Variants in TEAD4 observed in about 807,000 individuals in gnomAD.
The protein encoded by TEAD4 is transcriptional enhancer factor TEF-3.
Under a neutral mutation model 52.4 loss-of-function variants are expected in TEAD4, and 36 were observed. That is an observed-to-expected ratio of 0.69 (90% CI 0.53 to 0.91). The LOEUF (loss-of-function observed/expected upper bound fraction) is 0.91. Ranked by LOEUF, TEAD4 falls within the 40% of genes least tolerant of loss-of-function variation. TEAD4 has a pLI of 0.00. For missense variants in TEAD4, 508 were observed against 583.9 expected, an observed-to-expected ratio of 0.87 and a Z score of 1.34; for synonymous variants, 220 against 231.0, an observed-to-expected ratio of 0.95 and a Z score of 0.43.
In TEAD4 at chr12:3,019,161, C is replaced by T. The variant is rs370063341; in HGVS notation, c.574C>T (p.Pro192Ser). The change falls in exon 8 of 13, where the codon CCT becomes TCT. Residue 192 changes from proline (P) to serine (S), a missense_variant. By Grantham distance (74) the Pro-to-Ser change is moderately conservative. Coordinates refer to ENST00000359864, the MANE Select transcript of TEAD4 (RefSeq NM_003213.4). ...AACCTATGCTGTCCAGCCTCCGCTG[C>T]CTCTGCCAGGTGGGTGGGCGCTGCG... is the stretch of plus-strand genomic sequence containing the variant. 4.3e-6 allele frequency: 7 copies of T among 1,613,978 alleles called. No individual in the cohort carries two copies. The highest frequency in any genetic ancestry group is 3.3e-5 in the Admixed American group (2 of 60,022).
intron 3 of TEAD4, among the ~76,000 whole-genome samples, chr12:2,995,853 A>G (rs11062448): frequency 0.13 from 19,442 of 151,914 alleles, 1,413 homozygotes; most frequent in Admixed American, 0.23. Flanking sequence ...GTAAAAATAA[A>G]AAAAATTACC....
At position 3,017,269 on chromosome 12, in the gene TEAD4, C is replaced by G. The variant is rs2098265255; in HGVS notation, c.355-129C>G. The G allele has an allele frequency of 1.7e-5, 21 of 1,254,084 alleles. No individual in the cohort carries two copies. The South Asian group carries it at 2.7e-4, about 16-fold the overall frequency. 77.7% of individuals were successfully genotyped at this position (1,254,084 alleles called of 1,614,324 possible). ...AAACAAGTTAATAGCACGGCACAGA[C>G]TTAACGCCTGGTCCCCCAGCTCTGG... On this transcript the variant is annotated intron_variant, in intron 5 of 12. Coordinates refer to ENST00000359864, the MANE Select transcript of TEAD4 (RefSeq NM_003213.4).
chr12:3,040,204 A>G lies in TEAD4; in HGVS notation c.1136A>G (p.His379Arg). The G allele has an allele frequency of 6.2e-7, 1 of 1,614,118 alleles. No individual in the cohort carries two copies. The highest frequency in any genetic ancestry group is 8.5e-7 in the Non-Finnish European group (1 of 1,180,034). ...ATCAACTTCATCCACAAGCTCAAGCACCTCCCTGAGAAGTACATGATGAAC... is the reference window on the plus strand; with the variant it reads ...ATCAACTTCATCCACAAGCTCAAGCGCCTCCCTGAGAAGTACATGATGAAC... The change falls in exon 12 of 13, where the codon CAC becomes CGC. Residue 379 changes from histidine to arginine, a missense_variant. Transcript: ENST00000359864.
chr12:2,999,216 T>C (rs2098249677), intron 3 of TEAD4, among the ~76,000 whole-genome samples: 1 of 152,124 alleles, frequency 6.6e-6, no homozygotes, highest in South Asian at 2.1e-4. Flanking sequence ...GCATCTGCGC[T>C]TCCCATCCTC....
At chr12:2,962,327 A>AATATATATAAATATAT (rs745423413) in intron 2 of TEAD4, among the ~76,000 whole-genome samples, 4 of 112,750 alleles carry the variant, frequency 3.5e-5, no homozygotes, top group Non-Finnish European at 6.4e-5. Flanking sequence ...TATATATATA[A>AATATATATAAATATAT]ATATAAATAT....
chr12:2,962,757 C>T (rs572979425), intron 2 of TEAD4, among the ~76,000 whole-genome samples: 3 of 152,302 alleles, frequency 2.0e-5, no homozygotes, highest in East Asian at 3.9e-4. Flanking sequence ...TGAGCCACTG[C>T]GCCTGGCCTA....
rs146195327 is a variant in TEAD4 at position 2,986,770 on chromosome 12, T to C, written c.-29-7968T>C. Among the ~76,000 whole-genome samples the C allele has an allele frequency of 6.2e-3, 944 of 152,366 alleles. 9 individuals are homozygous for C. Among genetic ancestry groups the C allele is most frequent in the Admixed American group, 0.014 (211 of 15,304 alleles). ...GGATTGTGTACTGTACATAATTGTG[T>C]GTGCTAGACTTTTACACAACAGACA... is the stretch of plus-strand genomic sequence containing the variant. On this transcript the variant is annotated intron_variant, in intron 2 of 12. Coordinates refer to ENST00000359864, the MANE Select transcript of TEAD4 (RefSeq NM_003213.4).
intron 2 of TEAD4, among the ~76,000 whole-genome samples, chr12:2,974,391 AC>A (rs1448673984): frequency 6.6e-6 from 1 of 152,204 alleles, no homozygotes; most frequent in Non-Finnish European, 1.5e-5. Context: ...CAGAAGACTT[AC>A]ATGAAAAATG....
chr12:3,011,929 G>A (rs1005525725), intron 4 of TEAD4, among the ~76,000 whole-genome samples: 26 of 152,378 alleles, frequency 1.7e-4, no homozygotes, highest in African/African-American at 6.0e-4. Context: ...GCCTCCCAAA[G>A]TGTTGGGATT....
intron 3 of TEAD4, among the ~76,000 whole-genome samples, chr12:3,008,932 C>CTCT (rs1565540577): frequency 2.0e-5 from 3 of 152,226 alleles, no homozygotes; most frequent in African/African-American, 7.2e-5. Flanking sequence ...TTGGGAACCT[C>CTCT]TCTTCTTCCC....
At chr12:2,979,063 C>CT (rs2098232140) in intron 2 of TEAD4, among the ~76,000 whole-genome samples, 1 of 152,042 alleles carries the variant, frequency 6.6e-6, no homozygotes, top group African/African-American at 2.4e-5. Flanking sequence ...TTACAGGCAC[C>CT]TGCCACCATG....
intron 2 of TEAD4, among the ~76,000 whole-genome samples, chr12:2,967,856 ACT>A (rs1259800990): frequency 1.3e-5 from 2 of 152,040 alleles, no homozygotes; most frequent in African/African-American, 4.8e-5. Flanking sequence ...GGTCAATCTG[ACT>A]CTCAAACTGC....
intron 10 of TEAD4, among the ~76,000 whole-genome samples, chr12:3,029,233 ATTTTT>A (rs71057880): frequency 1.5e-3 from 162 of 109,608 alleles, no homozygotes; most frequent in African/African-American, 4.7e-3. Flanking sequence ...CGCCTGGCCA[ATTTTT>A]TTTTTTTTTT....
chr12:2,985,375 ACT>A (rs879805369), intron 2 of TEAD4, among the ~76,000 whole-genome samples: 7 of 151,822 alleles, frequency 4.6e-5, no homozygotes, highest in South Asian at 2.1e-4. Context: ...ACAGAGCAAG[ACT>A]CTGTCTCAAA....
At chr12:2,977,443 C>T (rs1265096282) in intron 2 of TEAD4, among the ~76,000 whole-genome samples, 1 of 151,902 alleles carries the variant, frequency 6.6e-6, no homozygotes, top group Non-Finnish European at 1.5e-5. Context: ...TGTGGGGCCT[C>T]CCCCCCTCTC....
At chr12:2,966,740 C>T (rs2153952361) in intron 2 of TEAD4, among the ~76,000 whole-genome samples, 1 of 151,626 alleles carries the variant, frequency 6.6e-6, no homozygotes, top group East Asian at 1.9e-4. Context: ...GGAGTCTCGC[C>T]CTATTGCCTA....
At chr12:3,017,715 G>A (rs1003776637) in intron 6 of TEAD4, among the ~76,000 whole-genome samples, 189 bp downstream of exon 6, 3 of 152,204 alleles carry the variant, frequency 2.0e-5, no homozygotes, top group African/African-American at 7.2e-5. Context: ...GTATTGGGAC[G>A]GCTTTCTTGG....
At position 3,015,741 on chromosome 12, in the gene TEAD4, G is replaced by A. The variant is rs570938881; in HGVS notation, c.355-1657G>A. Among the ~76,000 whole-genome samples the A allele has an allele frequency of 3.0e-3, 448 of 150,382 alleles. 3 individuals are homozygous for A. Among genetic ancestry groups the A allele is most frequent in the Middle Eastern group, 0.014 (4 of 280 alleles). ...TGCTGTCACAGCTCACTGCAGCCTC[G>A]ACCTCCTGGGCTGAGGCCATCCTCC... On this transcript the variant is annotated intron_variant, in intron 5 of 12. Transcript: ENST00000359864.
At chr12:2,965,118 C>T (rs1208809531) in intron 2 of TEAD4, among the ~76,000 whole-genome samples, 2 of 152,090 alleles carry the variant, frequency 1.3e-5, no homozygotes, top group African/African-American at 4.8e-5. Flanking sequence ...ATGGCAGACT[C>T]CTAGAATTGA....
Sources: allele counts gnomAD v4.1 joint callset (sites outside exome capture counted in the v4.1 genomes callset), GRCh38; gene constraint gnomAD v4.1.1; transcripts MANE v1.5; gene names NCBI Gene and HGNC (gene_info 2026-07-23, HGNC 2026-07-21).